Variants in LINC00237 observed in about 807,000 individuals in gnomAD.
LINC00237 encodes long independently transcribed non-coding RNA 237, also known as long intergenic non-protein coding RNA 237.
chr20:21,093,189 T>C (rs1037706058), intron 2 of LINC00237: 3 of 152,208 alleles, frequency 2.0e-5, no homozygotes, highest in Non-Finnish European at 2.9e-5. Context: ...AAAACAATTA[T>C]CTTTTACCTC....
intron 1 of LINC00237, among the ~76,000 whole-genome samples, chr20:21,094,225 C>T (rs1188995704): frequency 6.6e-6 from 1 of 152,158 alleles, no homozygotes; most frequent in Non-Finnish European, 1.5e-5. Context: ...CTAATCTTAA[C>T]CCAAGGGCAG....
intron 1 of LINC00237, among the ~76,000 whole-genome samples, chr20:21,102,861 C>A (rs2030951486): frequency 6.6e-6 from 1 of 152,170 alleles, no homozygotes; most frequent in Non-Finnish European, 1.5e-5. Flanking sequence ...GGGTGTGCAG[C>A]GAACCCCAGC....
chr20:21,088,127 G>A (rs1007624428), intron 2 of LINC00237: 1 of 152,182 alleles, frequency 6.6e-6, no homozygotes, highest in African/African-American at 2.4e-5. Context: ...CTTGAAAGTA[G>A]GAGTAGTTCT....
intron 1 of LINC00237, among the ~76,000 whole-genome samples, chr20:21,104,131 C>T (rs1334371749): frequency 2.0e-5 from 3 of 152,170 alleles, no homozygotes; most frequent in Admixed American, 6.5e-5. Context: ...CAGGCGCACA[C>T]TATTAATGCT....
chr20:21,092,020 T>C (rs2030799948), intron 2 of LINC00237, among the ~76,000 whole-genome samples: 2 of 152,228 alleles, frequency 1.3e-5, no homozygotes, highest in South Asian at 4.1e-4. Context: ...CCCTTAGTTT[T>C]GGCTTTCTGA....
chr20:21,088,724 A>T (rs561289626), intron 2 of LINC00237, among the ~76,000 whole-genome samples: 18 of 152,282 alleles, frequency 1.2e-4, no homozygotes, highest in African/African-American at 4.3e-4. Context: ...TCACTGTTGT[A>T]TTTGCTATTG....
At chr20:21,086,911 T>C (rs2030718118) in intron 3 of LINC00237, among the ~76,000 whole-genome samples, 6 of 137,542 alleles carry the variant, frequency 4.4e-5, no homozygotes, top group Non-Finnish European at 7.8e-5. Context: ...AGTACATATA[T>C]AGTATATATA....
chr20:21,100,317 C>A (rs4141923), intron 1 of LINC00237, among the ~76,000 whole-genome samples: 42,313 of 152,132 alleles, frequency 0.28, 7,847 homozygotes, highest in East Asian at 0.65. Flanking sequence ...AGCCACGAGC[C>A]GGGACCAGTA....
At chr20:21,103,156 C>G (rs1417961401) in intron 1 of LINC00237, among the ~76,000 whole-genome samples, 1 of 152,274 alleles carries the variant, frequency 6.6e-6, no homozygotes, top group Non-Finnish European at 1.5e-5. Context: ...GCTGTCCAAA[C>G]GCGCCAACGC....
At chr20:21,090,590 A>C (rs2030779046) in intron 2 of LINC00237, 2 of 152,208 alleles carry the variant, frequency 1.3e-5, no homozygotes, top group South Asian at 4.1e-4. Flanking sequence ...CTTGGACTTC[A>C]TTAGCATGCA....
intron 2 of LINC00237, among the ~76,000 whole-genome samples, chr20:21,092,106 A>AT (rs1156855510): frequency 6.6e-6 from 1 of 152,204 alleles, no homozygotes; most frequent in Non-Finnish European, 1.5e-5. Flanking sequence ...TAAAGAGTCC[A>AT]TCAGGAGATG....
intron 1 of LINC00237, among the ~76,000 whole-genome samples, chr20:21,097,877 T>A (rs140525389): frequency 3.3e-5 from 5 of 152,200 alleles, no homozygotes; most frequent in Non-Finnish European, 7.3e-5. Flanking sequence ...TTTAATGGTA[T>A]CCAGACGGCT....
At chr20:21,096,212 C>T (rs2030856266) in intron 1 of LINC00237, among the ~76,000 whole-genome samples, 1 of 152,212 alleles carries the variant, frequency 6.6e-6, no homozygotes. Context: ...CCAAAATTTG[C>T]AGTTCTTCAA....
intron 1 of LINC00237, among the ~76,000 whole-genome samples, chr20:21,096,350 G>A (rs2030857789): frequency 1.3e-5 from 2 of 152,190 alleles, no homozygotes; most frequent in African/African-American, 2.4e-5. Flanking sequence ...ACTCTCATTA[G>A]TGTAATTCCC....
chr20:21,095,606 C>A (rs556451957), intron 1 of LINC00237, among the ~76,000 whole-genome samples: 2 of 152,182 alleles, frequency 1.3e-5, no homozygotes. Context: ...CTGGCTAGAG[C>A]AAGCATTTCA....
chr20:21,102,361 C>G (rs182881919), intron 1 of LINC00237, among the ~76,000 whole-genome samples: 15 of 152,318 alleles, frequency 9.8e-5, no homozygotes, highest in Admixed American at 4.6e-4. Context: ...AACCTTCCCT[C>G]TAGCCGCATA....
At chr20:21,104,277 G>A (rs534904118) in intron 1 of LINC00237, among the ~76,000 whole-genome samples, 319 of 152,316 alleles carry the variant, frequency 2.1e-3, no homozygotes, top group Non-Finnish European at 3.8e-3. Context: ...CACAGATGAG[G>A]AGCAAATTTA....
At chr20:21,091,060 C>G (rs6047243) in intron 2 of LINC00237, among the ~76,000 whole-genome samples, 1 of 147,156 alleles carries the variant, frequency 6.8e-6, no homozygotes, top group Non-Finnish European at 1.5e-5. Context: ...TGTGTGTGTG[C>G]GTGTGTGTGT....
rs572316900 is a variant in LINC00237, at chr20:21,089,997, GTGTT to G, written n.473-1971_473-1968del. On this transcript the variant is annotated intron_variant and non_coding_transcript_variant, in intron 2 of 3. Transcript: ENST00000691244. ...TAATCAGTCAAAGTGCAGCTTCAGT[GTGTT>G]TTTATGTAGACGTCTGAATGTCTTT... 11 of 152,368 alleles carry G rather than the reference GTGTT, an allele frequency of 7.2e-5. No individual in the cohort carries two copies. In the East Asian group the frequency reaches 1.9e-3, roughly 27 times the overall value. 9.4% of individuals were successfully genotyped at this position (152,368 alleles called of 1,614,324 possible). A position where few individuals can be genotyped will look rare whatever the true frequency, so the allele number is the denominator to read the frequency against.
Sources: allele counts gnomAD v4.1 joint callset (sites outside exome capture counted in the v4.1 genomes callset), GRCh38; gene constraint gnomAD v4.1.1; transcripts MANE v1.5; gene names NCBI Gene and HGNC (gene_info 2026-07-23, HGNC 2026-07-21).